The following PKD1L3 variants were observed in gnomAD, a reference collection of about 807,000 sequenced individuals.
PKD1L3 encodes the protein polycystin 1 like 3, transient receptor potential channel interacting.
A neutral mutation model predicts 184.1 loss-of-function variants in PKD1L3; 239 were observed. The ratio of observed to expected loss-of-function variants is 1.30; its 90% confidence interval spans 1.17 to 1.45. The LOEUF (loss-of-function observed/expected upper bound fraction) is 1.45, where lower values mean the gene tolerates loss of function less well. PKD1L3 is among the 40% of genes most tolerant of loss of function. The pLI, the probability that PKD1L3 is intolerant of heterozygous loss-of-function variation, is 0.00. For missense variants in PKD1L3, 2,660 were observed against 2,067.2 expected, an observed-to-expected ratio of 1.29 and a Z score of -5.56; for synonymous variants, 996 against 778.8, an observed-to-expected ratio of 1.28 and a Z score of -4.64.
chr16:71,989,467 C>T (rs747831190), intron 4 of PKD1L3, among the ~76,000 whole-genome samples: 1 of 152,220 alleles, frequency 6.6e-6, no homozygotes, highest in Non-Finnish European at 1.5e-5. Flanking sequence ...TTCTTTTATA[C>T]TGTTAGAAAC....
In PKD1L3 at chr16:71,979,924, A is replaced by T. The variant is rs1413109251; in HGVS notation, c.1272-12T>A. ...TTGATATGTTTTGTCTAATGAGAAA[A>T]GTTAAAATGGAAGTCAATTTTTGTG... On this transcript the variant is annotated splice_polypyrimidine_tract_variant and intron_variant, in intron 8 of 29. Coordinates refer to ENST00000620267, the MANE Select transcript of PKD1L3 (RefSeq NM_181536.2). 1 of 1,550,682 alleles carries T rather than the reference A, an allele frequency of 6.4e-7. No individual in the cohort carries two copies. The highest frequency in any genetic ancestry group is 8.7e-7 in the Non-Finnish European group (1 of 1,146,860).
At chr16:71,992,954 C>T (rs949807358) in intron 3 of PKD1L3, among the ~76,000 whole-genome samples, 1 of 152,140 alleles carries the variant, frequency 6.6e-6, no homozygotes, top group Non-Finnish European at 1.5e-5. Context: ...AAGACGACTA[C>T]TTTGTTGATG....
In PKD1L3 at chr16:71,951,599, C is replaced by G. The variant is rs533212808; in HGVS notation, c.3155G>C (p.Gly1052Ala). ...GTGGCGCTCTCCCTGCTGATGACAG[C>G]CTTGACCCTCCAAGTGAGATGATAC... ...SLVSSHLEGQ[G>A]CHQQGERHWA... Residue 1052 changes from glycine (G) to alanine (A), a missense_variant, in exon 19 of 30, where the codon GGC becomes GCC. Transcript: ENST00000620267. The G allele has an allele frequency of 1.1e-3, 1,708 of 1,551,762 alleles. 12 individuals carry two copies. The highest frequency in any genetic ancestry group is 6.5e-3 in the South Asian group (550 of 84,038).
intron 22 of PKD1L3, among the ~76,000 whole-genome samples, chr16:71,944,709 T>C (rs1000588690): frequency 2.5e-5 from 2 of 79,086 alleles, no homozygotes; most frequent in South Asian, 6.8e-4. Context: ...TTGTTTGTTT[T>C]TTTTTTTTGA....
rs1393915454 is a variant in PKD1L3 at position 71,952,852 on chromosome 16, G to A, written c.3009+42C>T. The stretch of plus-strand genomic sequence containing the variant: ...GACCCTATGTCAAAACAAACAAGCA[G>A]GCAATAAAATAAGATAAAATAAAAT... On this transcript the variant is annotated intron_variant, in intron 18 of 29. Transcript: ENST00000620267. 4 of 1,507,366 alleles carry A rather than the reference G, an allele frequency of 2.7e-6. No individual in the cohort carries two copies. In the East Asian group the frequency reaches 7.4e-5, roughly 28 times the overall value. The allele number at this position is 1,507,366 out of a possible 1,614,324, so 93.4% of individuals were successfully genotyped here.
Position 71,986,219 on chromosome 16 carries a change from AC to A in PKD1L3, c.834+1del. 1.9e-6 allele frequency: 3 copies of A among 1,552,214 alleles called. No individual in the cohort carries two copies. The highest frequency in any genetic ancestry group is 1.7e-6 in the Non-Finnish European group (2 of 1,147,006). On this transcript the variant is annotated splice_donor_variant, in intron 5 of 29. Coordinates refer to ENST00000620267, the MANE Select transcript of PKD1L3 (RefSeq NM_181536.2). LOFTEE classifies it high-confidence loss of function. ...CCTGTGACTTGAATTTCCCATGTTT[AC>A]CTGACCAGATGCCTTCTGCAATGAC...
chr16:71,974,476 T>C (rs1216427934), intron 11 of PKD1L3, among the ~76,000 whole-genome samples: 1 of 152,076 alleles, frequency 6.6e-6, no homozygotes, highest in African/African-American at 2.4e-5. Context: ...GCCCAGGAGT[T>C]TGAGACCTAG....
At chr16:71,929,870 G>A (rs1304114384) in intron 29 of PKD1L3, 182 bp downstream of exon 29, 2 of 977,612 alleles carry the variant, frequency 2.0e-6, no homozygotes, top group Non-Finnish European at 2.9e-6. Flanking sequence ...AATGGCTATA[G>A]AATATTATGT....
chr16:71,968,076 G>A (rs1242696796), intron 13 of PKD1L3, 69 bp from the exon 14 acceptor site: 4 of 1,233,562 alleles, frequency 3.2e-6, no homozygotes, highest in East Asian at 5.1e-5. Context: ...TCCTCCAGCT[G>A]AGGAGCAGGA....
At chr16:71,964,575 G>A (rs1045482513) in intron 15 of PKD1L3, among the ~76,000 whole-genome samples, 3 of 151,606 alleles carry the variant, frequency 2.0e-5, no homozygotes, top group South Asian at 4.1e-4. Context: ...TCCTGACCTC[G>A]TGATCTGCCC....
chr16:71,933,544 G>C (rs750638356), intron 27 of PKD1L3, 23 bp from the exon 28 acceptor site: 27 of 1,482,994 alleles, frequency 1.8e-5, no homozygotes, highest in Non-Finnish European at 2.5e-5. Flanking sequence ...AGAAAGGCCA[G>C]TTAGTGCAAG....
chr16:71,977,696 C>CCTTTAAA, intron 10 of PKD1L3, among the ~76,000 whole-genome samples: 1 of 151,844 alleles, frequency 6.6e-6, no homozygotes, highest in East Asian at 1.9e-4. Flanking sequence ...TGTGCCCAGC[C>CCTTTAAA]AGGTCTTCCT....
At position 71,947,564 on chromosome 16, in the gene PKD1L3, G is replaced by C. The variant is rs1390511538; in HGVS notation, c.3646C>G (p.Leu1216Val). Residue 1216 changes from leucine to valine, a missense_variant, in exon 22 of 30, where the codon CTG becomes GTG. Coordinates refer to ENST00000620267, the MANE Select transcript of PKD1L3 (RefSeq NM_181536.2). ...KVVFFTFLYS[L>V]MMSRMPRLNK... is the part of the protein sequence containing the mutation. ...AGCCGTGGCATCCTGCTCATCATCA[G>C]TGAGTATAAGAATGTGAAGAAGACC... 2 of 1,546,898 alleles carry C rather than the reference G, an allele frequency of 1.3e-6. No individual in the cohort carries two copies. The highest frequency in any genetic ancestry group is 8.7e-7 in the Non-Finnish European group (1 of 1,143,000).
intron 16 of PKD1L3, among the ~76,000 whole-genome samples, chr16:71,958,212 C>A (rs555196735): frequency 2.1e-4 from 31 of 151,146 alleles, no homozygotes; most frequent in African/African-American, 6.8e-4. Context: ...ACGGTGAAAC[C>A]CCGTCTCTAC....
chr16:71,996,046 CT>C (rs988244077), intron 2 of PKD1L3, among the ~76,000 whole-genome samples: 4 of 151,506 alleles, frequency 2.6e-5, no homozygotes, highest in Non-Finnish European at 4.4e-5. Flanking sequence ...GTGCATTTTT[CT>C]TTTTTTTAAA....
chr16:71,984,302 G>C, intron 5 of PKD1L3, 135 bp from the exon 6 acceptor site: 1 of 803,568 alleles, frequency 1.2e-6, no homozygotes, highest in Non-Finnish European at 1.9e-6. Context: ...CTAAAACAGT[G>C]ATTACTTTCA....
intron 24 of PKD1L3, among the ~76,000 whole-genome samples, chr16:71,938,143 A>AC (rs1336509104): frequency 6.6e-6 from 1 of 151,404 alleles, no homozygotes; most frequent in Admixed American, 6.6e-5. Context: ...GGCTCAGGAA[A>AC]CCCCCCTGCC....
At chr16:71,942,035 C>T (rs185767050) in intron 24 of PKD1L3, among the ~76,000 whole-genome samples, 18 of 151,942 alleles carry the variant, frequency 1.2e-4, no homozygotes, top group South Asian at 2.1e-4. Context: ...AAAATTCTGG[C>T]TGGGCACGGT....
chr16:71,939,471 C>T (rs1365054077), intron 24 of PKD1L3, among the ~76,000 whole-genome samples: 3 of 152,208 alleles, frequency 2.0e-5, no homozygotes, highest in Non-Finnish European at 4.4e-5. Flanking sequence ...GACATTAGAA[C>T]TAAGATGTAC....
Sources: allele counts gnomAD v4.1 joint callset (sites outside exome capture counted in the v4.1 genomes callset), GRCh38; gene constraint gnomAD v4.1.1; transcripts MANE v1.5; gene names NCBI Gene and HGNC (gene_info 2026-07-23, HGNC 2026-07-21).